The following AP4S1 variants were observed in gnomAD, a reference collection of about 807,000 sequenced individuals.
The protein encoded by AP4S1 is adaptor related protein complex 4 subunit sigma 1, also known as AP-4 complex subunit sigma-1.
A neutral mutation model predicts 19.8 loss-of-function variants in AP4S1; 23 were observed. The observed-to-expected ratio is 1.16, with a 90% CI of 0.84 to 1.65. The LOEUF (loss-of-function observed/expected upper bound fraction) is 1.65. AP4S1 is among the 40% of genes most tolerant of loss of function. AP4S1 has a pLI of 0.00. For synonymous variants in AP4S1, 46 were observed against 54.1 expected, an observed-to-expected ratio of 0.85 and a Z score of 0.66; for missense variants, 166 against 172.8, an observed-to-expected ratio of 0.96 and a Z score of 0.22.
At chr14:31,054,450 G>A (rs1885985893) in intron 1 of AP4S1, among the ~76,000 whole-genome samples, 1 of 152,074 alleles carries the variant, frequency 6.6e-6, no homozygotes, top group Non-Finnish European at 1.5e-5. Flanking sequence ...TTGGGAGGCC[G>A]AGGTGGGCGG....
intron 4 of AP4S1, among the ~76,000 whole-genome samples, chr14:31,074,766 A>G (rs1887266434): frequency 6.6e-6 from 1 of 152,162 alleles, no homozygotes; most frequent in African/African-American, 2.4e-5. Context: ...AGGTGGGAGG[A>G]TGTTAGGAAA....
chr14:31,069,694 GAGA>G (rs1352630393), intron 2 of AP4S1, 146 bp from the exon 3 acceptor site: 2 of 713,816 alleles, frequency 2.8e-6, no homozygotes, highest in Non-Finnish European at 5.0e-6. Flanking sequence ...TGAATATTGT[GAGA>G]AGGTCACCAA....
Position 31,077,087 on chromosome 14 carries a change from G to A in AP4S1, c.295-3486G>A, listed in dbSNP as rs141044819. ...TGGGATTACAGGCATGCGCCACCAC[G>A]CCTGGCTAATTTTTGTATTATTAGT... On this transcript the variant is annotated intron_variant, in intron 4 of 5. Coordinates refer to ENST00000542754, the MANE Select transcript of AP4S1 (RefSeq NM_001128126.3). Among the ~76,000 whole-genome samples the A allele has an allele frequency of 7.2e-4, 110 of 151,886 alleles. No individual in the cohort carries two copies. In the East Asian group the frequency reaches 0.017, roughly 23 times the overall value.
intron 5 of AP4S1, chr14:31,085,143 C>T (rs764064416): frequency 6.6e-5 from 83 of 1,256,144 alleles, no homozygotes; most frequent in Non-Finnish European, 7.6e-5. Context: ...GCTTCGCCAG[C>T]ACCCTTTCCC....
intron 5 of AP4S1, among the ~76,000 whole-genome samples, chr14:31,088,242 C>T (rs1162976806): frequency 2.0e-5 from 3 of 152,168 alleles, no homozygotes; most frequent in African/African-American, 7.2e-5. Context: ...CATATTCATC[C>T]GCCAGCATTC....
chr14:31,087,065 TTAAAAAAATTTTTTA>T (rs1168555956), intron 5 of AP4S1, among the ~76,000 whole-genome samples: 1 of 152,122 alleles, frequency 6.6e-6, no homozygotes, highest in East Asian at 1.9e-4. Flanking sequence ...GCTGGCTAAT[TTAAAAAAATTTTTTA>T]AAATAAAAAC....
intron 5 of AP4S1, among the ~76,000 whole-genome samples, chr14:31,082,224 T>C (rs1010798894): frequency 6.6e-6 from 1 of 152,170 alleles, no homozygotes; most frequent in Non-Finnish European, 1.5e-5. Context: ...CCCTGTGACC[T>C]AGAAGGGACT....
At chr14:31,047,342 G>A (rs946215768) in intron 1 of AP4S1, among the ~76,000 whole-genome samples, 2 of 151,772 alleles carry the variant, frequency 1.3e-5, no homozygotes, top group African/African-American at 4.8e-5. Context: ...TGTGGGCAGG[G>A]GGAAGTTGTT....
Position 31,093,235 on chromosome 14 carries a change from A to C in AP4S1, c.*200A>C. ...CTTTAAAATATGTACAAAGAAAAAAATTTCTTTAAACTGAGAGAGAAGTTT... is the reference window on the plus strand; with the variant it reads ...CTTTAAAATATGTACAAAGAAAAAACTTTCTTTAAACTGAGAGAGAAGTTT... On this transcript the variant is annotated 3_prime_UTR_variant, in exon 6 of 6. Coordinates refer to ENST00000542754, the MANE Select transcript of AP4S1 (RefSeq NM_001128126.3). The C allele has an allele frequency of 2.2e-6, 1 of 450,396 alleles. No homozygotes were observed. The highest frequency in any genetic ancestry group is 4.5e-5 in the Admixed American group (1 of 22,052). The allele number at this position is 450,396 out of a possible 1,614,324, so 27.9% of individuals were successfully genotyped here.
intron 4 of AP4S1, among the ~76,000 whole-genome samples, chr14:31,079,741 G>A (rs1013955154): frequency 3.3e-5 from 5 of 152,082 alleles, no homozygotes; most frequent in East Asian, 1.9e-4. Context: ...TGGGAGGATC[G>A]CTTGAACCCA....
rs149811151 is a variant in AP4S1, at chr14:31,065,911, C to T, written c.-71-215C>T. Among the ~76,000 whole-genome samples, 2,192 of 152,256 alleles carry T rather than the reference C, an allele frequency of 0.014. 34 individuals are homozygous for T. Among genetic ancestry groups the T allele is most frequent in the Non-Finnish European group, 0.019 (1,270 of 68,024 alleles). On this transcript the variant is annotated intron_variant, in intron 1 of 5. Coordinates refer to ENST00000542754, the MANE Select transcript of AP4S1 (RefSeq NM_001128126.3). ...TCCTGACCTTGTGATCCACCTGCCT[C>T]GGCCTCCCAAAGTGCTGGAATTACA...
intron 5 of AP4S1, among the ~76,000 whole-genome samples, chr14:31,088,077 G>A (rs1462754540): frequency 6.6e-6 from 1 of 152,148 alleles, no homozygotes; most frequent in Non-Finnish European, 1.5e-5. Context: ...GCCATGGTGG[G>A]TGATGAGAGT....
At chr14:31,042,863 T>G (rs1455785123) in intron 1 of AP4S1, among the ~76,000 whole-genome samples, 1 of 152,160 alleles carries the variant, frequency 6.6e-6, no homozygotes, top group Non-Finnish European at 1.5e-5. Flanking sequence ...GACTCTTTGG[T>G]CAGTTTACCA....
At chr14:31,084,735 C>T (rs1026588599) in intron 5 of AP4S1, 8 of 1,613,626 alleles carry the variant, frequency 5.0e-6, no homozygotes, top group Non-Finnish European at 6.8e-6. Context: ...TTATTTAAGA[C>T]TTCAAATTTT....
chr14:31,032,496 C>G (rs1171934080), intron 1 of AP4S1, among the ~76,000 whole-genome samples: 1 of 151,540 alleles, frequency 6.6e-6, no homozygotes. Flanking sequence ...CTGTATAGCT[C>G]CCTGTAATTA....
intron 1 of AP4S1, among the ~76,000 whole-genome samples, chr14:31,051,288 T>C (rs1885779000): frequency 6.7e-6 from 1 of 149,976 alleles, no homozygotes; most frequent in Non-Finnish European, 1.5e-5. Flanking sequence ...GTAGATATGC[T>C]GGACAAAGGG....
chr14:31,040,474 T>A (rs1483699631), intron 1 of AP4S1, among the ~76,000 whole-genome samples: 1 of 152,192 alleles, frequency 6.6e-6, no homozygotes, highest in Non-Finnish European at 1.5e-5. Context: ...TTGGTTTGAT[T>A]TGAACTTAAA....
At chr14:31,046,462 A>G (rs1475107161) in intron 1 of AP4S1, among the ~76,000 whole-genome samples, 2 of 152,124 alleles carry the variant, frequency 1.3e-5, no homozygotes, top group Non-Finnish European at 2.9e-5. Context: ...TAATTGATGA[A>G]TAGTTTTCTA....
intron 1 of AP4S1, among the ~76,000 whole-genome samples, chr14:31,038,469 G>A (rs1317425915): frequency 6.6e-6 from 1 of 152,166 alleles, no homozygotes; most frequent in Non-Finnish European, 1.5e-5. Context: ...TATTAGCCAT[G>A]AAAAGCTTTT....
Sources: allele counts gnomAD v4.1 joint callset (sites outside exome capture counted in the v4.1 genomes callset), GRCh38; gene constraint gnomAD v4.1.1; transcripts MANE v1.5; gene names NCBI Gene and HGNC (gene_info 2026-07-23, HGNC 2026-07-21).